PCDH15: variants seen among roughly 807,000 people sequenced by gnomAD.
The protein encoded by PCDH15 is protocadherin-15.
In PCDH15, 129 loss-of-function variants were observed where a neutral mutation model predicts 178.5. The observed-to-expected ratio is 0.72, with a 90% CI of 0.63 to 0.84. PCDH15 has a LOEUF of 0.84. PCDH15 is among the 40% of genes least tolerant of loss of function. The pLI is 0.00. For missense variants in PCDH15, 2,230 were observed against 2,099.9 expected, an observed-to-expected ratio of 1.06 and a Z score of -1.21; for synonymous variants, 800 against 732.0, an observed-to-expected ratio of 1.09 and a Z score of -1.50.
intron 1 of PCDH15, among the ~76,000 whole-genome samples, chr10:55,235,277 A>G (rs1382989134): frequency 6.6e-6 from 1 of 152,116 alleles, no homozygotes; most frequent in African/African-American, 2.4e-5. Flanking sequence ...GTCAAGTCCA[A>G]GACCCTCCTT....
At chr10:55,603,543 C>G (rs1366427958) in intron 2 of PCDH15, among the ~76,000 whole-genome samples, 6 of 152,070 alleles carry the variant, frequency 3.9e-5, no homozygotes, top group Admixed American at 2.6e-4. Context: ...AACAGTGAAT[C>G]TCTCGGCAGA....
intron 2 of PCDH15, among the ~76,000 whole-genome samples, chr10:54,992,446 G>T (rs1839524741): frequency 6.6e-6 from 1 of 152,050 alleles, no homozygotes; most frequent in African/African-American, 2.4e-5. Context: ...TTATACCTGA[G>T]AATCCAGTGA....
chr10:54,536,782 AT>A lies in PCDH15; in HGVS notation c.92-8906del, dbSNP rs1414518027. Among the ~76,000 whole-genome samples, 23 of 152,250 alleles carry A rather than the reference AT, an allele frequency of 1.5e-4. No individual in the cohort carries two copies. The East Asian group carries it at 4.1e-3, about 27-fold the overall frequency. On this transcript the variant is annotated intron_variant, in intron 2 of 37. Transcript: ENST00000644397. Reference sequence around the variant, plus strand: ...CTGTTCCTGTGTTAACTTGCTTAGGATAACAGCCTATAACTGCATCCGTGTG... The same window carrying A: ...CTGTTCCTGTGTTAACTTGCTTAGGAAACAGCCTATAACTGCATCCGTGTG...
At chr10:55,438,202 T>TACACACAC (rs71463103) in intron 2 of PCDH15, among the ~76,000 whole-genome samples, 4,660 of 149,626 alleles carry the variant, frequency 0.031, 89 homozygotes, top group Non-Finnish European at 0.049. Flanking sequence ...GAACATGTTA[T>TACACACAC]ACACACACAC....
intron 18 of PCDH15, among the ~76,000 whole-genome samples, chr10:54,024,979 A>T (rs2093038880): frequency 6.6e-6 from 1 of 152,160 alleles, no homozygotes; most frequent in African/African-American, 2.4e-5. Context: ...AATTTCAGTC[A>T]CTTTTTCTGT....
intron 26 of PCDH15, among the ~76,000 whole-genome samples, chr10:53,888,706 T>TCC (rs1368433360): frequency 5.1e-5 from 6 of 117,280 alleles, no homozygotes; most frequent in African/African-American, 1.8e-4. Context: ...TATATATATC[T>TCC]CCTGTGGAAA....
chr10:55,424,802 A>T (rs142423168), intron 2 of PCDH15, among the ~76,000 whole-genome samples: 2 of 152,238 alleles, frequency 1.3e-5, no homozygotes, highest in South Asian at 4.1e-4. Flanking sequence ...AGTGCCAAAC[A>T]TCAATTTCTA....
intron 2 of PCDH15, among the ~76,000 whole-genome samples, chr10:55,542,097 T>C (rs1033411041): frequency 2.0e-5 from 3 of 151,606 alleles, no homozygotes; most frequent in African/African-American, 7.3e-5. Flanking sequence ...AATATGGAAG[T>C]ACCTCTGGAA....
chr10:54,890,749 T>C (rs1038659974), intron 3 of PCDH15, among the ~76,000 whole-genome samples: 30 of 152,066 alleles, frequency 2.0e-4, no homozygotes, highest in African/African-American at 6.5e-4. Flanking sequence ...CTACAGAATA[T>C]GTAGTGGTAG....
chr10:55,341,574 C>CTTT lies in PCDH15; in HGVS notation c.-155-174926_-155-174924dup, dbSNP rs60297759. ...TTTTCTCATATTCTAGATTAGCATCCTTTTTTTTTTTTTTGAGACAGAGTC... is the reference window on the plus strand; with the variant it reads ...TTTTCTCATATTCTAGATTAGCATCCTTTTTTTTTTTTTTTTTGAGACAGAGTC... On this transcript the variant is annotated intron_variant, in intron 2 of 5. Coordinates refer to the PCDH15 transcript ENST00000613346. 3.6e-5 allele frequency among the ~76,000 whole-genome samples: 5 copies of CTTT among 137,228 alleles called. 1 individual carries two copies. Among genetic ancestry groups the CTTT allele is most frequent in the Non-Finnish European group, 6.3e-5 (4 of 63,498 alleles). 90.0% of individuals were successfully genotyped at this position (137,228 alleles called of 152,430 possible).
chr10:53,991,891 C>T (rs1016798087), intron 21 of PCDH15, among the ~76,000 whole-genome samples: 11 of 152,104 alleles, frequency 7.2e-5, no homozygotes, highest in African/African-American at 2.7e-4. Flanking sequence ...GGCCAATCAG[C>T]ATGATGTGGG....
chr10:55,289,438 G>T (rs1333136891), intron 1 of PCDH15, among the ~76,000 whole-genome samples: 2 of 151,258 alleles, frequency 1.3e-5, no homozygotes, highest in Non-Finnish European at 3.0e-5. Flanking sequence ...AAAGAGGAAG[G>T]CAGGAACAAA....
chr10:55,104,543 A>G lies in PCDH15; in HGVS notation c.-80+62033T>C, dbSNP rs180759089. Among the ~76,000 whole-genome samples, 89 of 152,292 alleles carry G rather than the reference A, an allele frequency of 5.8e-4. 1 individual carries two copies. The Middle Eastern group carries it at 0.01, about 17-fold the overall frequency. Reference sequence around the variant, plus strand: ...TCCACATAAAAGATGCATTTTCATTACAAGAAAAAAGAAGGTTATTTCACA... The same window carrying G: ...TCCACATAAAAGATGCATTTTCATTGCAAGAAAAAAGAAGGTTATTTCACA... On this transcript the variant is annotated intron_variant, in intron 2 of 5. Coordinates refer to the PCDH15 transcript ENST00000458638.
At chr10:54,359,694 CAG>C (rs1945688512) in intron 5 of PCDH15, among the ~76,000 whole-genome samples, 1 of 151,746 alleles carries the variant, frequency 6.6e-6, no homozygotes, top group South Asian at 2.1e-4. Flanking sequence ...ACAGAGTAAA[CAG>C]AGAGGAAGAG....
At chr10:55,007,682 G>A (rs769434664) in intron 2 of PCDH15, among the ~76,000 whole-genome samples, 1 of 152,024 alleles carries the variant, frequency 6.6e-6, no homozygotes, top group Non-Finnish European at 1.5e-5. Flanking sequence ...CACAGGCTGG[G>A]GTTGTCCTAC....
At chr10:54,878,985 A>C (rs373291928) in intron 3 of PCDH15, among the ~76,000 whole-genome samples, 3 of 152,166 alleles carry the variant, frequency 2.0e-5, no homozygotes, top group East Asian at 3.8e-4. Flanking sequence ...AATTAATATA[A>C]ATACTGCTTT....
At chr10:54,725,193 C>A (rs984476004) in intron 1 of PCDH15, among the ~76,000 whole-genome samples, 2 of 151,056 alleles carry the variant, frequency 1.3e-5, no homozygotes, top group Non-Finnish European at 3.0e-5. Flanking sequence ...ATACTTTAAC[C>A]ATTTCTTGCG....
chr10:54,104,351 C>T (rs2094869259), intron 15 of PCDH15, among the ~76,000 whole-genome samples: 1 of 152,138 alleles, frequency 6.6e-6, no homozygotes, highest in African/African-American at 2.4e-5. Context: ...CCAATCAATG[C>T]CCTCACTTTA....
chr10:54,609,757 ATTAAT>A (rs1183011052), intron 2 of PCDH15, among the ~76,000 whole-genome samples: 1 of 151,958 alleles, frequency 6.6e-6, no homozygotes, highest in Non-Finnish European at 1.5e-5. Flanking sequence ...CCTCTCCCAA[ATTAAT>A]TTAATAACAA....
Sources: gnomAD v4.1 joint callset for allele counts (sites outside exome capture counted in the v4.1 genomes callset) on GRCh38, gnomAD v4.1.1 for gene constraint, MANE v1.5 for transcripts, NCBI Gene and HGNC (gene_info 2026-07-23, HGNC 2026-07-21) for gene names.